Variants in ARHGAP10 observed in about 807,000 individuals in gnomAD.
ARHGAP10 encodes the protein rho GTPase-activating protein 10.
A neutral mutation model predicts 108.6 loss-of-function variants in ARHGAP10; 87 were observed. The observed-to-expected ratio is 0.80, with a 90% confidence interval of 0.67 to 0.96. The LOEUF is 0.96. Among genes scored for constraint, ARHGAP10 ranks in the 40% least tolerant of loss-of-function variants. ARHGAP10 has a pLI of 0.00. For synonymous variants in ARHGAP10, 347 were observed against 341.1 expected (o/e 1.02, Z -0.19); for missense variants, 939 against 954.5 (o/e 0.98, Z 0.21).
intron 3 of ARHGAP10, among the ~76,000 whole-genome samples, chr4:147,837,625 C>A (rs1368617745): frequency 1.1e-5 from 1 of 91,286 alleles, no homozygotes; most frequent in Non-Finnish European, 2.6e-5. Context: ...TGCCACCTCG[C>A]TAGAATCTCT....
intron 1 of ARHGAP10, among the ~76,000 whole-genome samples, chr4:147,820,338 T>G (rs1023835161): frequency 6.6e-6 from 1 of 152,160 alleles, no homozygotes; most frequent in Non-Finnish European, 1.5e-5. Flanking sequence ...CAGGCTGGAG[T>G]GCAGTGGTGT....
At chr4:147,780,906 T>A (rs1298738607) in intron 1 of ARHGAP10, among the ~76,000 whole-genome samples, 5 of 152,132 alleles carry the variant, frequency 3.3e-5, no homozygotes, top group Admixed American at 2.6e-4. Flanking sequence ...TCATCAATTT[T>A]GTGTGGGTTA....
intron 1 of ARHGAP10, among the ~76,000 whole-genome samples, chr4:147,742,181 T>C (rs186509013): frequency 6.6e-6 from 1 of 152,226 alleles, no homozygotes; most frequent in Admixed American, 6.5e-5. Flanking sequence ...GTGCTTTCTT[T>C]TCTGACTGTA....
chr4:148,062,912 G>C (rs17024314), intron 20 of ARHGAP10, among the ~76,000 whole-genome samples: 3,857 of 152,226 alleles, frequency 0.025, 147 homozygotes, highest in African/African-American at 0.088. Flanking sequence ...GGACAGATTG[G>C]AGAACCTGGA....
chr4:147,922,523 A>C (rs1737287320), intron 13 of ARHGAP10, among the ~76,000 whole-genome samples: 1 of 151,202 alleles, frequency 6.6e-6, no homozygotes, highest in African/African-American at 2.4e-5. Flanking sequence ...CCCCGTCTCT[A>C]CTAAAACTAC....
chr4:148,056,244 GT>G (rs1263569920), intron 20 of ARHGAP10, among the ~76,000 whole-genome samples: 1 of 152,194 alleles, frequency 6.6e-6, no homozygotes, highest in African/African-American at 2.4e-5. Flanking sequence ...GCTTTAGGAA[GT>G]GCAGTTAACC....
At chr4:147,738,638 T>C (rs963622933) in intron 1 of ARHGAP10, among the ~76,000 whole-genome samples, 5 of 152,178 alleles carry the variant, frequency 3.3e-5, no homozygotes, top group South Asian at 4.1e-4. Context: ...TTAGTATAAG[T>C]GCTCAAAGGT....
intron 10 of ARHGAP10, among the ~76,000 whole-genome samples, chr4:147,901,431 A>G (rs1736234511): frequency 6.6e-6 from 1 of 152,254 alleles, no homozygotes; most frequent in Admixed American, 6.5e-5. Flanking sequence ...AATTCTCAAT[A>G]GTGGAACTGT....
chr4:147,919,853 T>G (rs1416465156), intron 13 of ARHGAP10, among the ~76,000 whole-genome samples: 2 of 152,146 alleles, frequency 1.3e-5, no homozygotes, highest in Non-Finnish European at 2.9e-5. Context: ...GTGCTGGGAT[T>G]ACAGGCATGA....
At chr4:148,021,611 C>T (rs557017891) in intron 18 of ARHGAP10, among the ~76,000 whole-genome samples, 1 of 152,178 alleles carries the variant, frequency 6.6e-6, no homozygotes, top group East Asian at 1.9e-4. Flanking sequence ...CCTGGCTTTT[C>T]TTCTCTCCTT....
intron 1 of ARHGAP10, among the ~76,000 whole-genome samples, chr4:147,783,521 A>G (rs1278723365): frequency 6.7e-6 from 1 of 148,170 alleles, no homozygotes; most frequent in African/African-American, 2.4e-5. Flanking sequence ...TTTATAGAAC[A>G]CACATTAAAT....
At chr4:147,844,711 C>T (rs1009693527) in intron 3 of ARHGAP10, among the ~76,000 whole-genome samples, 3 of 152,300 alleles carry the variant, frequency 2.0e-5, no homozygotes, top group South Asian at 4.2e-4. Flanking sequence ...TTTGACACCA[C>T]CTGCAAATAT....
At chr4:147,970,746 A>G (rs1739373289) in intron 18 of ARHGAP10, among the ~76,000 whole-genome samples, 1 of 152,204 alleles carries the variant, frequency 6.6e-6, no homozygotes. Context: ...AAATCTGTGT[A>G]TACTTTATAG....
chr4:147,938,436 A>G (rs1429087877), intron 13 of ARHGAP10, among the ~76,000 whole-genome samples: 1 of 152,232 alleles, frequency 6.6e-6, no homozygotes, highest in Non-Finnish European at 1.5e-5. Context: ...ACAAAACTTG[A>G]CAAGGAAGAA....
chr4:147,911,127 C>CA (rs1736712754), intron 12 of ARHGAP10, among the ~76,000 whole-genome samples: 1 of 151,904 alleles, frequency 6.6e-6, no homozygotes, highest in East Asian at 1.9e-4. Flanking sequence ...TTAGAAAACA[C>CA]GGTTTTGCTA....
At chr4:148,026,376 T>A (rs1223516636) in intron 19 of ARHGAP10, among the ~76,000 whole-genome samples, 2 of 152,196 alleles carry the variant, frequency 1.3e-5, no homozygotes, top group Non-Finnish European at 2.9e-5. Flanking sequence ...GATCCTCTGC[T>A]GGGAGACATG....
intron 18 of ARHGAP10, among the ~76,000 whole-genome samples, chr4:148,013,656 T>A (rs1741246551): frequency 6.6e-6 from 1 of 151,986 alleles, no homozygotes; most frequent in East Asian, 1.9e-4. Flanking sequence ...CCACTGCACT[T>A]CAACCTGGGT....
At chr4:147,968,403 T>A (rs1739282389) in intron 18 of ARHGAP10, among the ~76,000 whole-genome samples, 1 of 152,226 alleles carries the variant, frequency 6.6e-6, no homozygotes, top group Non-Finnish European at 1.5e-5. Flanking sequence ...TCAATCTTCT[T>A]GGGATCACAG....
At chr4:147,999,502 G>C (rs892372260) in intron 18 of ARHGAP10, among the ~76,000 whole-genome samples, 1 of 152,204 alleles carries the variant, frequency 6.6e-6, no homozygotes, top group Non-Finnish European at 1.5e-5. Context: ...ATCCGGCAGG[G>C]TGTCTGCTGT....
Sources: allele counts gnomAD v4.1 joint callset (sites outside exome capture counted in the v4.1 genomes callset), GRCh38; gene constraint gnomAD v4.1.1; transcripts MANE v1.5; gene names NCBI Gene and HGNC (gene_info 2026-07-23, HGNC 2026-07-21).